MCTP1: variants seen among roughly 807,000 people sequenced by gnomAD.
The protein encoded by MCTP1 is multiple C2 and transmembrane domain containing 1, also known as multiple C2 and transmembrane domain-containing protein 1.
In MCTP1, 69 loss-of-function variants were observed where a neutral mutation model predicts 120.6. The ratio of observed to expected loss-of-function variants is 0.57; its 90% CI spans 0.47 to 0.70. The LOEUF (loss-of-function observed/expected upper bound fraction) is 0.70, where lower values mean the gene tolerates loss of function less well. Ranked by LOEUF, MCTP1 falls within the 30% of genes least tolerant of loss-of-function variation. The pLI is 0.00. For missense variants in MCTP1, 1,203 were observed against 1,248.8 expected (o/e 0.96, Z 0.55); for synonymous variants, 529 against 493.1 (o/e 1.07, Z -0.96).
chr5:94,905,613 A>G (rs1806634120), intron 10 of MCTP1, among the ~76,000 whole-genome samples: 1 of 152,224 alleles, frequency 6.6e-6, no homozygotes, highest in Non-Finnish European at 1.5e-5. Flanking sequence ...GAGAGAAAGA[A>G]AGGAATCAAA....
At chr5:94,785,299 A>G (rs1423792365) in intron 18 of MCTP1, among the ~76,000 whole-genome samples, 1 of 152,046 alleles carries the variant, frequency 6.6e-6, no homozygotes, top group Non-Finnish European at 1.5e-5. Context: ...GTTTATTTGA[A>G]CTCTGTCTCC....
intron 1 of MCTP1, among the ~76,000 whole-genome samples, chr5:95,257,305 T>C (rs1283088050): frequency 2.6e-5 from 4 of 152,188 alleles, no homozygotes; most frequent in Non-Finnish European, 5.9e-5. Flanking sequence ...TCTGAGGAGA[T>C]GAGTAAAATT....
intron 1 of MCTP1, among the ~76,000 whole-genome samples, chr5:95,246,303 A>G (rs1202693276): frequency 6.6e-6 from 1 of 152,160 alleles, no homozygotes; most frequent in East Asian, 1.9e-4. Flanking sequence ...CATCATAATG[A>G]CAGGATCAAA....
intron 1 of MCTP1, among the ~76,000 whole-genome samples, chr5:95,245,566 A>T (rs2152687524): frequency 6.6e-6 from 1 of 152,320 alleles, no homozygotes; most frequent in Non-Finnish European, 1.5e-5. Flanking sequence ...CAAGTGGAAG[A>T]AAGGATATCA....
At chr5:95,174,939 T>TC (rs1270953124) in intron 1 of MCTP1, among the ~76,000 whole-genome samples, 1 of 152,208 alleles carries the variant, frequency 6.6e-6, no homozygotes, top group Non-Finnish European at 1.5e-5. Flanking sequence ...CTCTTTTTTT[T>TC]CCATTTGTCT....
chr5:94,875,537 G>A (rs1263252233), intron 12 of MCTP1, among the ~76,000 whole-genome samples: 2 of 152,044 alleles, frequency 1.3e-5, no homozygotes, highest in African/African-American at 4.8e-5. Context: ...CTGCTATTTG[G>A]AAAATAAGGT....
intron 17 of MCTP1, among the ~76,000 whole-genome samples, chr5:94,809,348 C>T (rs1237275614): frequency 6.6e-6 from 1 of 151,886 alleles, no homozygotes; most frequent in African/African-American, 2.4e-5. Flanking sequence ...ACACTGACAA[C>T]TCCAAAATGT....
chr5:94,764,909 T>G (rs895301585), intron 19 of MCTP1, among the ~76,000 whole-genome samples: 1 of 151,564 alleles, frequency 6.6e-6, no homozygotes, highest in Non-Finnish European at 1.5e-5. Context: ...AACAGAGCTT[T>G]ATAGACCATT....
At chr5:95,055,633 G>A (rs1397851998) in intron 1 of MCTP1, among the ~76,000 whole-genome samples, 1 of 152,186 alleles carries the variant, frequency 6.6e-6, no homozygotes, top group Non-Finnish European at 1.5e-5. Flanking sequence ...AGTCTATTAA[G>A]CTTTTGCATG....
rs116229540 is a variant in MCTP1, at chr5:95,057,870, T to A, written c.721-40386A>T. Reference sequence around the variant, plus strand: ...GAATGGGGGTTAATGGTGGACATGATGAGACCTAGATAAGCATCCTCTGAA... The same window carrying A: ...GAATGGGGGTTAATGGTGGACATGAAGAGACCTAGATAAGCATCCTCTGAA... On this transcript the variant is annotated intron_variant, in intron 1 of 22. Coordinates refer to ENST00000515393, the MANE Select transcript of MCTP1 (RefSeq NM_024717.7). Among the ~76,000 whole-genome samples the A allele has an allele frequency of 1.6e-3, 244 of 152,340 alleles. 1 individual carries two copies. The highest frequency in any genetic ancestry group is 5.6e-3 in the African/African-American group (231 of 41,586).
At chr5:95,019,645 T>C (rs1010795734) in intron 1 of MCTP1, among the ~76,000 whole-genome samples, 7 of 152,144 alleles carry the variant, frequency 4.6e-5, no homozygotes, top group African/African-American at 1.7e-4. Flanking sequence ...TTCACGCTTC[T>C]ATCAAAAGTG....
chr5:94,738,933 G>T (rs1260793596), intron 19 of MCTP1, among the ~76,000 whole-genome samples: 1 of 152,190 alleles, frequency 6.6e-6, no homozygotes, highest in Non-Finnish European at 1.5e-5. Flanking sequence ...TGTGGCTTCT[G>T]ATCACCTTGT....
At chr5:95,170,297 C>A (rs192518781) in intron 1 of MCTP1, among the ~76,000 whole-genome samples, 2 of 152,224 alleles carry the variant, frequency 1.3e-5, no homozygotes, top group East Asian at 3.9e-4. Context: ...AATTTCTGTT[C>A]TTTTACATTT....
chr5:95,027,162 A>G (rs2082205582), intron 1 of MCTP1, among the ~76,000 whole-genome samples: 1 of 152,246 alleles, frequency 6.6e-6, no homozygotes, highest in Non-Finnish European at 1.5e-5. Context: ...AAGTGACTTT[A>G]AAGACCTTAC....
chr5:95,273,128 A>G (rs1759542372), intron 1 of MCTP1, among the ~76,000 whole-genome samples: 1 of 152,258 alleles, frequency 6.6e-6, no homozygotes, highest in South Asian at 2.1e-4. Flanking sequence ...GCTTGTCTCT[A>G]AAATCTCTTC....
intron 2 of MCTP1, among the ~76,000 whole-genome samples, chr5:95,003,865 T>C (rs1482499955): frequency 1.3e-5 from 2 of 152,162 alleles, no homozygotes; most frequent in African/African-American, 2.4e-5. Context: ...GGCATTGCTA[T>C]AACAATACCT....
chr5:94,936,593 T>C (rs1286977997), intron 5 of MCTP1, among the ~76,000 whole-genome samples: 1 of 152,058 alleles, frequency 6.6e-6, no homozygotes, highest in Non-Finnish European at 1.5e-5. Context: ...GTATAATGCT[T>C]AGTAGATGAT....
chr5:95,043,604 T>C (rs1355210387), intron 1 of MCTP1, among the ~76,000 whole-genome samples: 2 of 151,972 alleles, frequency 1.3e-5, no homozygotes, highest in African/African-American at 4.8e-5. Flanking sequence ...CCTTTAACAT[T>C]GTTGATTTGC....
At chr5:94,997,994 T>G (rs1315400183) in intron 2 of MCTP1, among the ~76,000 whole-genome samples, 1 of 152,198 alleles carries the variant, frequency 6.6e-6, no homozygotes, top group African/African-American at 2.4e-5. Context: ...TGACTGGTAG[T>G]TCAGTAGAAA....
Sources: gnomAD v4.1 joint callset for allele counts (sites outside exome capture counted in the v4.1 genomes callset) on GRCh38, gnomAD v4.1.1 for gene constraint, MANE v1.5 for transcripts, NCBI Gene and HGNC (gene_info 2026-07-23, HGNC 2026-07-21) for gene names.